Variants in TTC23L observed in about 807,000 individuals in gnomAD.
TTC23L encodes tetratricopeptide repeat domain 23 like.
In TTC23L, 42 loss-of-function variants were observed where a neutral mutation model predicts 48.1. The observed-to-expected ratio is 0.87, with a 90% CI of 0.68 to 1.13. The LOEUF (loss-of-function observed/expected upper bound fraction) is 1.13. Ranked by LOEUF, TTC23L falls within the 50% of genes most tolerant of loss-of-function variation. The probability of loss-of-function intolerance (pLI) is 0.00; values close to 1 mark genes in which losing one functional copy is unlikely to be tolerated. For synonymous variants in TTC23L, 159 were observed against 157.2 expected (o/e 1.01, Z -0.09); for missense variants, 391 against 421.0 (o/e 0.93, Z 0.62).
chr5:34,923,063 T>A, the TTC23L span: 1 of 1,565,632 alleles, frequency 6.4e-7, no homozygotes, highest in Admixed American at 1.7e-5. Context: ...TAAATATCTT[T>A]AAAATTAGCT....
At chr5:34,922,739 G>A in the TTC23L span, 1 of 1,614,026 alleles carries the variant, frequency 6.2e-7, no homozygotes, top group South Asian at 1.1e-5. Context: ...CTGTTTGAAA[G>A]GTTCTCGGCC....
intron 8 of TTC23L, chr5:34,869,529 C>T (rs1437174855): frequency 1.8e-5 from 3 of 163,090 alleles, no homozygotes; most frequent in Non-Finnish European, 4.1e-5. Flanking sequence ...GCAAGGTCAT[C>T]TTTTTGAAAG....
chr5:34,925,299 T>G, the TTC23L span: 1 of 1,613,296 alleles, frequency 6.2e-7, no homozygotes, highest in Admixed American at 1.7e-5. Context: ...GTGCAAAAAC[T>G]GAGAAAGAAA....
At chr5:34,859,840 C>CTTT (rs10590697) in intron 4 of TTC23L, among the ~76,000 whole-genome samples, 645 of 95,328 alleles carry the variant, frequency 6.8e-3, no homozygotes, top group East Asian at 0.013. Flanking sequence ...TTTTCTTCTT[C>CTTT]TTTTTTTTTT....
chr5:34,925,569 T>G, the TTC23L span: 2 of 1,262,674 alleles, frequency 1.6e-6, no homozygotes, highest in African/African-American at 3.0e-5. Context: ...ACTTTTATTA[T>G]CTAATACTAT....
intron 2 of TTC23L, among the ~76,000 whole-genome samples, chr5:34,844,983 A>G (rs1022267659): frequency 2.6e-5 from 4 of 152,118 alleles, no homozygotes; most frequent in Non-Finnish European, 5.9e-5. Context: ...ATTTCATTGT[A>G]TCCATTTTCT....
intron 8 of TTC23L, chr5:34,869,784 T>C (rs1297894248): frequency 6.6e-6 from 1 of 152,220 alleles, no homozygotes; most frequent in Non-Finnish European, 1.5e-5. Context: ...AAGCTTTCCA[T>C]CCTACTTTTT....
At chr5:34,845,773 G>T in intron 3 of TTC23L, 100 bp downstream of exon 3, 1 of 1,200,136 alleles carries the variant, frequency 8.3e-7, no homozygotes, top group Non-Finnish European at 1.1e-6. Flanking sequence ...ATGAAATAGA[G>T]GAAGGTGTCA....
chr5:34,888,610 A>G (rs1259018513), intron 9 of TTC23L: 3 of 756,268 alleles, frequency 4.0e-6, no homozygotes, highest in Admixed American at 6.3e-5. Context: ...TCCCAGTTCA[A>G]CCAGGTAGGG....
At chr5:34,877,634 G>T (rs1308856400) in intron 8 of TTC23L, among the ~76,000 whole-genome samples, 2 of 152,034 alleles carry the variant, frequency 1.3e-5, no homozygotes, top group Non-Finnish European at 2.9e-5. Flanking sequence ...ATGTTGGCCA[G>T]GCTGGTCTCG....
chr5:34,883,066 A>G (rs1271813491), intron 9 of TTC23L: 1 of 152,636 alleles, frequency 6.6e-6, no homozygotes, highest in African/African-American at 2.4e-5. Flanking sequence ...ACAAACAAAC[A>G]AAACAGAGAA....
chr5:34,900,452 G>A (rs537793535), downstream of TTC23L, among the ~76,000 whole-genome samples: 115 of 151,452 alleles, frequency 7.6e-4, no homozygotes, highest in Non-Finnish European at 1.3e-3. Context: ...AGTGAGCTGA[G>A]ATTGTGCCAC....
chr5:34,857,583 T>G (rs1760232456), intron 4 of TTC23L, among the ~76,000 whole-genome samples: 1 of 152,164 alleles, frequency 6.6e-6, no homozygotes, highest in Admixed American at 6.5e-5. Context: ...AACAGTGCTA[T>G]GAAAAATGTT....
intron 9 of TTC23L, chr5:34,883,592 A>G (rs1454206609): frequency 6.6e-6 from 1 of 152,394 alleles, no homozygotes; most frequent in African/African-American, 2.4e-5. Context: ...AAGAAGAGAC[A>G]TTAAGCTGAT....
At chr5:34,898,400 A>G (rs1285927025) in intron 10 of TTC23L, among the ~76,000 whole-genome samples, 2 of 152,170 alleles carry the variant, frequency 1.3e-5, no homozygotes, top group Admixed American at 6.5e-5. Context: ...AAACTCAAAG[A>G]TAATATATAC....
At chr5:34,862,502 G>A (rs112826972) in intron 4 of TTC23L, among the ~76,000 whole-genome samples, 4 of 152,260 alleles carry the variant, frequency 2.6e-5, no homozygotes, top group South Asian at 2.1e-4. Context: ...ATGGAGAAGC[G>A]TTGTGGGTTG....
chr5:34,909,176 T>C, the TTC23L span: 6 of 1,122,368 alleles, frequency 5.3e-6, no homozygotes, highest in Admixed American at 4.5e-5. Context: ...AATTAACAGA[T>C]TGAAAGTGTT....
intron 8 of TTC23L, among the ~76,000 whole-genome samples, chr5:34,871,707 C>A (rs952163652): frequency 6.6e-6 from 1 of 152,134 alleles, no homozygotes; most frequent in Non-Finnish European, 1.5e-5. Context: ...ATACTAATAA[C>A]ATATCTCTCT....
chr5:34,857,021 A>G (rs1457428356), intron 4 of TTC23L, among the ~76,000 whole-genome samples: 2 of 152,178 alleles, frequency 1.3e-5, no homozygotes, highest in East Asian at 3.9e-4. Context: ...GGGTTTAAAG[A>G]TGTTTTTAAT....
Sources: gnomAD v4.1 joint callset for allele counts (sites outside exome capture counted in the v4.1 genomes callset) on GRCh38, gnomAD v4.1.1 for gene constraint, MANE v1.5 for transcripts, NCBI Gene and HGNC (gene_info 2026-07-23, HGNC 2026-07-21) for gene names.